Variants in LHPP observed in about 807,000 individuals in gnomAD.
The protein encoded by LHPP is phospholysine phosphohistidine inorganic pyrophosphate phosphatase, also known as hLHPP.
A neutral mutation model predicts 30.3 loss-of-function variants in LHPP; 24 were observed. The ratio of observed to expected loss-of-function variants is 0.79; its 90% CI spans 0.57 to 1.11. The LOEUF (loss-of-function observed/expected upper bound fraction) is 1.11, where lower values mean the gene tolerates loss of function less well. Among genes scored for constraint, LHPP ranks in the 50% most tolerant of loss-of-function variants. LHPP has a pLI of 0.00. For missense variants in LHPP, 356 were observed against 367.2 expected, an observed-to-expected ratio of 0.97 and a Z score of 0.25; for synonymous variants, 150 against 157.1, an observed-to-expected ratio of 0.95 and a Z score of 0.34.
rs1352220474 is a variant in LHPP at position 124,517,667 on chromosome 10, C to G, written c.716+396C>G. Among the ~76,000 whole-genome samples, 4 of 152,216 alleles carry G rather than the reference C, an allele frequency of 2.6e-5. No individual in the cohort carries two copies. The highest frequency in any genetic ancestry group is 4.4e-5 in the Non-Finnish European group (3 of 68,042). On this transcript the variant is annotated intron_variant, in intron 6 of 6. Transcript: ENST00000368842. The surrounding 1 kb of genome is among the most constrained non-coding windows in gnomAD (Gnocchi z 4.1). The stretch of plus-strand genomic sequence containing the variant: ...CAGCCCCTTGGACAGCCTCCCTCTC[C>G]TTTTGTTCACTTTCTCCACTCTGTA...
chr10:124,484,265 A>G lies in LHPP; in HGVS notation c.252A>G (p.Ala84=), dbSNP rs968928641. 10 of 1,613,874 alleles carry G rather than the reference A, an allele frequency of 6.2e-6. No individual in the cohort carries two copies. Among genetic ancestry groups the G allele is most frequent in the Non-Finnish European group, 6.8e-6 (8 of 1,180,006 alleles). ...DISEQEVTAP[A]PAACQILKEQ... is the part of the protein sequence containing the mutation. ...CTGAGCAGGAGGTGACCGCCCCGGCACCAGCTGCCTGCCAGATCCTGAAGG... is the reference window on the plus strand; with the variant it reads ...CTGAGCAGGAGGTGACCGCCCCGGCGCCAGCTGCCTGCCAGATCCTGAAGG... The change falls in exon 2 of 7, where the codon GCA becomes GCG. Residue 84 remains alanine, a synonymous_variant. Transcript: ENST00000368842.
chr10:124,550,550 G>GAGGAACCCTGTGAGCGCGAC (rs2133958048), intron 6 of LHPP, among the ~76,000 whole-genome samples: 1 of 152,354 alleles, frequency 6.6e-6, no homozygotes, highest in Admixed American at 6.5e-5. Context: ...CTGCAGTGGC[G>GAGGAACCCTGTGAGCGCGAC]TGGGAGGCGG....
intron 6 of LHPP, among the ~76,000 whole-genome samples, chr10:124,584,813 CA>C (rs1350035500): frequency 2.6e-5 from 4 of 152,018 alleles, no homozygotes; most frequent in African/African-American, 9.7e-5. Flanking sequence ...ATCATTAATC[CA>C]AAAATCTGAA....
intron 6 of LHPP, among the ~76,000 whole-genome samples, chr10:124,574,205 G>A (rs1308577409): frequency 2.6e-5 from 4 of 152,388 alleles, no homozygotes; most frequent in East Asian, 3.9e-4. Context: ...GCGCAGAACA[G>A]TAAGTCGTTT....
intron 3 of LHPP, among the ~76,000 whole-genome samples, chr10:124,494,190 G>A (rs1470588779): frequency 6.6e-6 from 1 of 152,112 alleles, no homozygotes; most frequent in South Asian, 2.1e-4. Context: ...TTTCGCTTTC[G>A]AAGAGGCTGC....
intron 6 of LHPP, among the ~76,000 whole-genome samples, chr10:124,536,185 A>G (rs1348343667): frequency 1.3e-5 from 2 of 152,212 alleles, no homozygotes; most frequent in African/African-American, 2.4e-5. Flanking sequence ...CCTGCGGTCC[A>G]TGGGCTTGGG....
intron 5 of LHPP, among the ~76,000 whole-genome samples, chr10:124,500,595 TG>T (rs1953869011): frequency 6.6e-6 from 1 of 151,932 alleles, no homozygotes; most frequent in Non-Finnish European, 1.5e-5. Context: ...GATTTTTGGA[TG>T]TAAATACAAT....
intron 6 of LHPP, among the ~76,000 whole-genome samples, chr10:124,535,624 T>G (rs1473167939): frequency 6.6e-6 from 1 of 151,558 alleles, no homozygotes; most frequent in Non-Finnish European, 1.5e-5. Flanking sequence ...CCCAAGCTGG[T>G]CTTAAACTCC....
chr10:124,550,414 C>T (rs1337485381), intron 6 of LHPP, among the ~76,000 whole-genome samples: 1 of 152,230 alleles, frequency 6.6e-6, no homozygotes, highest in Non-Finnish European at 1.5e-5. Context: ...CCTTTGCGCC[C>T]ACGCTGCCCC....
chr10:124,462,084 G>A (rs1284914971), intron 1 of LHPP, 97 bp downstream of exon 1: 7 of 1,071,110 alleles, frequency 6.5e-6, no homozygotes, highest in Admixed American at 4.7e-5. Flanking sequence ...GGGCGGGGCC[G>A]CGGCGCAGGC....
chr10:124,526,019 C>T (rs1954723607), intron 6 of LHPP: 1 of 190,890 alleles, frequency 5.2e-6, no homozygotes. Flanking sequence ...AGGTAGGACC[C>T]CTGTAGGCAG....
intron 6 of LHPP, among the ~76,000 whole-genome samples, chr10:124,597,757 C>G (rs537655387): frequency 5.3e-5 from 8 of 152,306 alleles, no homozygotes; most frequent in Admixed American, 2.0e-4. Context: ...TGCCTGTGCC[C>G]CTGGGTGGGG....
chr10:124,602,672 G>A (rs1313053379), intron 6 of LHPP, among the ~76,000 whole-genome samples: 1 of 152,134 alleles, frequency 6.6e-6, no homozygotes, highest in Non-Finnish European at 1.5e-5. Flanking sequence ...GCAGGCTCTG[G>A]GCCCTGGGCA....
chr10:124,532,108 C>T (rs957309665), intron 6 of LHPP, among the ~76,000 whole-genome samples: 1 of 152,230 alleles, frequency 6.6e-6, no homozygotes, highest in Non-Finnish European at 1.5e-5. Flanking sequence ...TCAGGCTGGC[C>T]CTGTGACCTT....
chr10:124,575,741 C>T (rs561842705), intron 6 of LHPP, among the ~76,000 whole-genome samples: 1 of 152,296 alleles, frequency 6.6e-6, no homozygotes, highest in African/African-American at 2.4e-5. Flanking sequence ...CACTGCGTCA[C>T]GTGGTCGGAT....
intron 1 of LHPP, among the ~76,000 whole-genome samples, chr10:124,477,107 G>A (rs1054079170): frequency 1.3e-5 from 2 of 152,306 alleles, no homozygotes; most frequent in Middle Eastern, 3.4e-3. Context: ...GGAGGTTGAG[G>A]CAGGAGAATC....
rs142948556 is a variant in LHPP at position 124,536,783 on chromosome 10, C to T, written c.716+19512C>T. On this transcript the variant is annotated intron_variant, in intron 6 of 6. Coordinates refer to ENST00000368842, the MANE Select transcript of LHPP (RefSeq NM_022126.4). ...AATCCTGAGATACTTAAATTCCCTG[C>T]GGCAGCTCCAAGCCTAGGGAACCAG... 2.4e-3 allele frequency among the ~76,000 whole-genome samples: 371 copies of T among 152,234 alleles called. 3 individuals are homozygous for T. Among genetic ancestry groups the T allele is most frequent in the African/African-American group, 8.4e-3 (349 of 41,518 alleles).
chr10:124,582,289 G>T (rs1232409338), intron 6 of LHPP, among the ~76,000 whole-genome samples: 1 of 152,036 alleles, frequency 6.6e-6, no homozygotes. Context: ...TTGCTATGTT[G>T]CTCAAGCTGG....
intron 6 of LHPP, among the ~76,000 whole-genome samples, chr10:124,542,256 C>A (rs763656652): frequency 1.2e-4 from 19 of 152,196 alleles, no homozygotes; most frequent in Non-Finnish European, 2.2e-4. Flanking sequence ...TGACCCCAGG[C>A]TGTGGGACTC....
Sources: gnomAD v4.1 joint callset for allele counts (sites outside exome capture counted in the v4.1 genomes callset) on GRCh38, gnomAD v4.1.1 for gene constraint, Gnocchi (gnomAD v3.1) non-coding constraint, MANE v1.5 for transcripts, NCBI Gene and HGNC (gene_info 2026-07-23, HGNC 2026-07-21) for gene names.